Variants in NR3C2 observed in about 807,000 individuals in gnomAD.
NR3C2 encodes mineralocorticoid receptor.
In NR3C2, 15 loss-of-function variants were observed where a neutral mutation model predicts 86.4. The ratio of observed to expected loss-of-function variants is 0.17; its 90% CI spans 0.12 to 0.27. NR3C2 has a LOEUF of 0.27. Ranked by LOEUF, NR3C2 falls within the 10% of genes least tolerant of loss-of-function variation. The pLI, the probability that NR3C2 is intolerant of heterozygous loss-of-function variation, is 1.00. For synonymous variants in NR3C2, 458 were observed against 450.5 expected, an observed-to-expected ratio of 1.02 and a Z score of -0.21; for missense variants, 960 against 1,195.6, an observed-to-expected ratio of 0.80 and a Z score of 2.91.
chr4:148,130,373 G>A (rs1018429437), intron 6 of NR3C2, among the ~76,000 whole-genome samples: 2 of 152,130 alleles, frequency 1.3e-5, no homozygotes, highest in African/African-American at 4.8e-5. Context: ...ATTTTTAAAC[G>A]TAAGATCCTT....
At chr4:148,097,740 C>CTTT (rs1560919908) in intron 8 of NR3C2, among the ~76,000 whole-genome samples, 2 of 99,866 alleles carry the variant, frequency 2.0e-5, no homozygotes, top group African/African-American at 9.4e-5. Context: ...GACTTTTTTG[C>CTTT]GTTTTTTTTT....
At chr4:148,154,972 A>G (rs1033806518) in intron 4 of NR3C2, 71 bp from the exon 5 acceptor site, 1 of 1,254,860 alleles carries the variant, frequency 8.0e-7, no homozygotes, top group Non-Finnish European at 1.1e-6. Context: ...CACTGGTTAA[A>G]GTACAGTTTT....
intron 3 of NR3C2, among the ~76,000 whole-genome samples, chr4:148,212,655 G>A (rs984377340): frequency 2.0e-5 from 3 of 152,174 alleles, no homozygotes; most frequent in Non-Finnish European, 4.4e-5. Flanking sequence ...ATATCTAAAA[G>A]TAAATGAGAT....
At chr4:148,432,052 T>C (rs1309022950) in intron 2 of NR3C2, among the ~76,000 whole-genome samples, 2 of 152,172 alleles carry the variant, frequency 1.3e-5, no homozygotes, top group Non-Finnish European at 2.9e-5. Context: ...ACAAATGTTT[T>C]AAAATCATTT....
At chr4:148,230,450 G>C (rs1273313870) in intron 3 of NR3C2, among the ~76,000 whole-genome samples, 2 of 152,130 alleles carry the variant, frequency 1.3e-5, no homozygotes. Context: ...GCCCACCTCA[G>C]CCTCCCTAAG....
chr4:148,274,089 A>C (rs1046038711), intron 2 of NR3C2, among the ~76,000 whole-genome samples: 5 of 147,108 alleles, frequency 3.4e-5, no homozygotes, highest in African/African-American at 1.3e-4. Context: ...GCTCATGAGA[A>C]AAAAAAAAAA....
intron 2 of NR3C2, among the ~76,000 whole-genome samples, chr4:148,323,816 G>A (rs1248744476): frequency 6.6e-6 from 1 of 152,124 alleles, no homozygotes; most frequent in Non-Finnish European, 1.5e-5. Context: ...TACCTCAGAT[G>A]GAAATGCAGA....
upstream of NR3C2, among the ~76,000 whole-genome samples, chr4:148,443,222 C>CAAAAAAAAAAAAAA (rs59506438): frequency 1.2e-4 from 5 of 40,996 alleles, 1 homozygote; most frequent in African/African-American, 3.8e-4. Context: ...CCCCTAACAC[C>CAAAAAAAAAAAAAA]AAAAAAAAAA....
At position 148,112,732 on chromosome 4, in the gene NR3C2, A is replaced by G. The variant is rs190037701; in HGVS notation, c.2799+1372T>C. On this transcript the variant is annotated intron_variant, in intron 8 of 8. Coordinates refer to ENST00000358102, the MANE Select transcript of NR3C2 (RefSeq NM_000901.5). ...ATGATATGCACAGGGTCTCAGTGTA[A>G]AACACTGGAAAGTGACATTCTTTTA... 5.3e-5 allele frequency among the ~76,000 whole-genome samples: 8 copies of G among 152,326 alleles called. No individual in the cohort carries two copies. In the East Asian group the frequency reaches 1.2e-3, roughly 22 times the overall value.
At chr4:148,419,525 T>C (rs1749173950) in intron 2 of NR3C2, among the ~76,000 whole-genome samples, 1 of 152,230 alleles carries the variant, frequency 6.6e-6, no homozygotes, top group Non-Finnish European at 1.5e-5. Flanking sequence ...AAATACTTCT[T>C]ACGTACTCTT....
chr4:148,163,137 G>T (rs1208745122), intron 4 of NR3C2, among the ~76,000 whole-genome samples: 2 of 152,222 alleles, frequency 1.3e-5, no homozygotes, highest in African/African-American at 4.8e-5. Flanking sequence ...GACATTAGGA[G>T]AATTTCCTCC....
intron 3 of NR3C2, among the ~76,000 whole-genome samples, chr4:148,254,931 CTTT>C (rs1261963123): frequency 1.3e-5 from 2 of 152,110 alleles, no homozygotes; most frequent in Non-Finnish European, 2.9e-5. Context: ...ATTCCCCCTA[CTTT>C]ATCAGTTAAC....
chr4:148,142,573 C>A (rs1481484533), intron 6 of NR3C2, among the ~76,000 whole-genome samples: 1 of 152,182 alleles, frequency 6.6e-6, no homozygotes, highest in Non-Finnish European at 1.5e-5. Flanking sequence ...CGGCTCCCTG[C>A]AACCTCCGCC....
At chr4:148,375,024 T>G (rs996013191) in intron 2 of NR3C2, among the ~76,000 whole-genome samples, 1 of 152,236 alleles carries the variant, frequency 6.6e-6, no homozygotes, top group Non-Finnish European at 1.5e-5. Flanking sequence ...GGCTACTGTA[T>G]AAAATAATTT....
intron 2 of NR3C2, among the ~76,000 whole-genome samples, chr4:148,269,582 T>C (rs966472606): frequency 2.7e-4 from 41 of 152,108 alleles, no homozygotes; most frequent in African/African-American, 7.2e-4. Context: ...AGCATGCATA[T>C]GCCAATCAGC....
chr4:148,162,442 GC>G (rs1412415616), intron 4 of NR3C2, among the ~76,000 whole-genome samples: 4 of 152,048 alleles, frequency 2.6e-5, no homozygotes, highest in Non-Finnish European at 5.9e-5. Flanking sequence ...AGGAATGTGT[GC>G]ACACAGAAGG....
intron 8 of NR3C2, among the ~76,000 whole-genome samples, chr4:148,099,539 C>A (rs1452431049): frequency 6.6e-6 from 1 of 152,098 alleles, no homozygotes; most frequent in African/African-American, 2.4e-5. Flanking sequence ...CTATTATTTT[C>A]TTTTTATAGA....
rs1397708895 is a variant in NR3C2 at position 148,221,255 on chromosome 4, AATTT to A, written c.1898-26397_1898-26394del. The stretch of plus-strand genomic sequence containing the variant: ...TTTATTACTATGTGAACCTATCAAT[AATTT>A]ATTTATGAATATATCTGTTAAATCT... On this transcript the variant is annotated intron_variant, in intron 3 of 8. Coordinates refer to ENST00000358102, the MANE Select transcript of NR3C2 (RefSeq NM_000901.5). Among the ~76,000 whole-genome samples, 4 of 152,324 alleles carry A rather than the reference AATTT, an allele frequency of 2.6e-5. 1 individual carries two copies. In the East Asian group the frequency reaches 7.7e-4, roughly 29 times the overall value.
chr4:148,348,689 T>A (rs1745122217), intron 2 of NR3C2, among the ~76,000 whole-genome samples: 2 of 152,158 alleles, frequency 1.3e-5, no homozygotes, highest in Admixed American at 6.6e-5. Flanking sequence ...TTTGCCTGGA[T>A]AACAGATAGC....
Sources: gnomAD v4.1 joint callset for allele counts (sites outside exome capture counted in the v4.1 genomes callset) on GRCh38, gnomAD v4.1.1 for gene constraint, MANE v1.5 for transcripts, NCBI Gene and HGNC (gene_info 2026-07-23, HGNC 2026-07-21) for gene names.